TERB1: variants seen among roughly 807,000 people sequenced by gnomAD.
TERB1 encodes the protein telomere repeat binding bouquet formation protein 1, also known as telomere repeats-binding bouquet formation protein 1.
TERB1 carries 63 observed loss-of-function variants against 92.3 expected under a neutral mutation model. That is an observed-to-expected ratio of 0.68 (90% CI 0.56 to 0.84). The LOEUF (loss-of-function observed/expected upper bound fraction) is 0.84, where lower values mean the gene tolerates loss of function less well. TERB1 is among the 40% of genes least tolerant of loss of function. TERB1 has a pLI of 0.00. For missense variants in TERB1, 709 were observed against 843.7 expected (o/e 0.84, Z 1.98); for synonymous variants, 252 against 283.9 (o/e 0.89, Z 1.13).
In TERB1 at chr16:66,778,157, G is replaced by A. The variant is rs374693078; in HGVS notation, c.853+706C>T. Among the ~76,000 whole-genome samples the A allele has an allele frequency of 4.6e-5, 7 of 152,112 alleles. No homozygotes were observed. In the East Asian group the frequency reaches 5.8e-4, roughly 13 times the overall value. On this transcript the variant is annotated intron_variant, in intron 10 of 18. Coordinates refer to ENST00000433154, the MANE Select transcript of TERB1 (RefSeq NM_001136505.2). Reference sequence around the variant, plus strand: ...TGCCACTCACTAGTAATGCTGTGTTGGGTAAATCTGACCTCATACTTAGCA... The same window carrying A: ...TGCCACTCACTAGTAATGCTGTGTTAGGTAAATCTGACCTCATACTTAGCA...
chr16:66,796,396 T>C (rs944117287), intron 3 of TERB1, among the ~76,000 whole-genome samples: 1 of 152,226 alleles, frequency 6.6e-6, no homozygotes, highest in Non-Finnish European at 1.5e-5. Context: ...TGTGATGGTG[T>C]ATATTATTGA....
chr16:66,773,166 T>TA (rs34191234), intron 12 of TERB1, among the ~76,000 whole-genome samples: 63,815 of 129,022 alleles, frequency 0.49, 15,896 homozygotes, highest in East Asian at 0.66. Flanking sequence ...CCACCTCTAC[T>TA]AAAAAAAAAA....
intron 9 of TERB1, among the ~76,000 whole-genome samples, chr16:66,784,549 G>T (rs1241614274): frequency 6.6e-6 from 1 of 151,922 alleles, no homozygotes; most frequent in South Asian, 2.1e-4. Context: ...GGCCAGGCTG[G>T]TCTGGAACTC....
intron 16 of TERB1, among the ~76,000 whole-genome samples, chr16:66,760,783 C>CAAAAAAAAAA (rs57817560): frequency 1.0e-4 from 7 of 67,220 alleles, no homozygotes; most frequent in Admixed American, 1.9e-4. Flanking sequence ...GACTCCATCT[C>CAAAAAAAAAA]AAAAAAAAAA....
intron 13 of TERB1, 131 bp from the exon 14 acceptor site, chr16:66,770,440 A>C (rs970056336): frequency 3.2e-6 from 2 of 630,262 alleles, no homozygotes; most frequent in African/African-American, 3.7e-5. Flanking sequence ...GATAAAAGGC[A>C]GTTTACATTA....
intron 2 of TERB1, among the ~76,000 whole-genome samples, chr16:66,800,556 G>A (rs1009287061): frequency 1.3e-5 from 2 of 150,998 alleles, no homozygotes; most frequent in Non-Finnish European, 2.9e-5. Context: ...CCAAGGCCAA[G>A]AAAGCTTTTT....
chr16:66,780,933 A>G (rs959316617), intron 9 of TERB1, among the ~76,000 whole-genome samples: 4 of 151,746 alleles, frequency 2.6e-5, no homozygotes, highest in African/African-American at 9.7e-5. Flanking sequence ...TGAAAGTTCT[A>G]GTTGTTCCAC....
Position 66,777,287 on chromosome 16 carries a change from G to T in TERB1, c.901C>A (p.Leu301Met). 1 of 1,549,652 alleles carries T rather than the reference G, an allele frequency of 6.5e-7. No homozygotes were observed. Among genetic ancestry groups the T allele is most frequent in the Non-Finnish European group, 8.7e-7 (1 of 1,145,362 alleles). ...AGACTTTCATGAAGCAGTAATGCCA[G>T]AAGTTTAGAAACAATGTGGTACTTG... ...LSKYHIVSKL[L>M]ALLLHESLDS... Residue 301 changes from leucine to methionine, a missense_variant, in exon 11 of 19, where the codon CTG (leucine) becomes ATG (methionine). Transcript: ENST00000433154.
chr16:66,758,703 T>G (rs971234171), intron 18 of TERB1, 70 bp downstream of exon 18: 1 of 920,444 alleles, frequency 1.1e-6, no homozygotes, highest in African/African-American at 1.7e-5. Context: ...ATTGCTCCAC[T>G]GCACTCCATC....
At chr16:66,789,017 C>CAAAAAAA (rs57876042) in intron 5 of TERB1, among the ~76,000 whole-genome samples, 16 of 68,272 alleles carry the variant, frequency 2.3e-4, no homozygotes, top group Non-Finnish European at 3.0e-4. Context: ...GGTATGGTAC[C>CAAAAAAA]AAAAAAAAAA....
chr16:66,774,481 G>C (rs1161266823), intron 12 of TERB1, among the ~76,000 whole-genome samples: 1 of 151,716 alleles, frequency 6.6e-6, no homozygotes, highest in Non-Finnish European at 1.5e-5. Context: ...CACCGCGCCC[G>C]GCCCCAAACA....
At chr16:66,762,812 T>TA (rs2018275004) in intron 16 of TERB1, among the ~76,000 whole-genome samples, 1 of 151,934 alleles carries the variant, frequency 6.6e-6, no homozygotes, top group Admixed American at 6.6e-5. Flanking sequence ...GCCTCCCAAG[T>TA]AGCTGGGACT....
chr16:66,757,131 GGCTTGTGAAAGAGAT>G (rs1190686579), intron 18 of TERB1, among the ~76,000 whole-genome samples: 1 of 152,038 alleles, frequency 6.6e-6, no homozygotes, highest in African/African-American at 2.4e-5. Context: ...ATTCCTGGCC[GGCTTGTGAAAGAGAT>G]GTAAGAATCA....
intron 14 of TERB1, among the ~76,000 whole-genome samples, 187 bp downstream of exon 14, chr16:66,769,776 C>T (rs917974557): frequency 2.0e-5 from 3 of 152,116 alleles, no homozygotes; most frequent in Non-Finnish European, 2.9e-5. Context: ...TTGCAGGGCC[C>T]TAGATTAACT....
intron 10 of TERB1, among the ~76,000 whole-genome samples, chr16:66,778,129 T>C (rs2018579063): frequency 1.3e-5 from 2 of 152,252 alleles, no homozygotes; most frequent in African/African-American, 4.8e-5. Context: ...TCAAGTCTGG[T>C]TCTGCCACTC....
chr16:66,760,472 AAAAG>A (rs1240124782), intron 16 of TERB1, among the ~76,000 whole-genome samples: 1 of 76,798 alleles, frequency 1.3e-5, no homozygotes, highest in Non-Finnish European at 2.3e-5. Flanking sequence ...AAAAAAAAAG[AAAAG>A]AAAAGAAAAG....
intron 5 of TERB1, among the ~76,000 whole-genome samples, chr16:66,788,685 C>T (rs1015931524): frequency 6.0e-5 from 9 of 151,114 alleles, no homozygotes; most frequent in African/African-American, 2.2e-4. Flanking sequence ...AACAGAGGGA[C>T]AAACAATATT....
intron 5 of TERB1, 48 bp from the exon 6 acceptor site, chr16:66,788,345 G>C (rs768436885): frequency 1.4e-6 from 2 of 1,405,066 alleles, no homozygotes; most frequent in African/African-American, 3.0e-5. Flanking sequence ...TCACAAACAT[G>C]CTTTAAAATA....
chr16:66,754,746 A>G lies in TERB1; in HGVS notation c.*230T>C. The G allele has an allele frequency of 2.1e-6, 1 of 470,156 alleles. No individual in the cohort carries two copies. Among genetic ancestry groups the G allele is most frequent in the East Asian group, 3.6e-5 (1 of 27,980 alleles). The allele number at this position is 470,156 out of a possible 1,614,324, so 29.1% of individuals were successfully genotyped here. Reference sequence around the variant, plus strand: ...AAAAATAAAAGCATATTCCTAAACAAATGTTTGATCTTATGAAGGAATTTT... The same window carrying G: ...AAAAATAAAAGCATATTCCTAAACAGATGTTTGATCTTATGAAGGAATTTT... On this transcript the variant is annotated 3_prime_UTR_variant, in exon 19 of 19. Coordinates refer to ENST00000433154, the MANE Select transcript of TERB1 (RefSeq NM_001136505.2).
Sources: allele counts gnomAD v4.1 joint callset (sites outside exome capture counted in the v4.1 genomes callset), GRCh38; gene constraint gnomAD v4.1.1; transcripts MANE v1.5; gene names NCBI Gene and HGNC (gene_info 2026-07-23, HGNC 2026-07-21).